The following MECOM variants were observed in gnomAD, a reference collection of about 807,000 sequenced individuals.
MECOM encodes the protein histone-lysine N-methyltransferase MECOM.
MECOM carries 13 observed loss-of-function variants against 116.3 expected under a neutral mutation model. The observed-to-expected ratio is 0.11, with a 90% CI of 0.07 to 0.18. The LOEUF (loss-of-function observed/expected upper bound fraction) is 0.18. MECOM is among the 10% of genes least tolerant of loss of function. MECOM has a pLI of 1.00. For missense variants in MECOM, 1,299 were observed against 1,509.0 expected (o/e 0.86, Z 2.31); for synonymous variants, 528 against 535.2 (o/e 0.99, Z 0.19).
chr3:169,118,017 C>T (rs969627211), intron 7 of MECOM, among the ~76,000 whole-genome samples: 1 of 151,884 alleles, frequency 6.6e-6, no homozygotes, highest in South Asian at 2.1e-4. Context: ...AAATTGAAGA[C>T]AAAATGCAAC....
Position 169,211,663 on chromosome 3 carries a change from T to C in MECOM, c.376-67831A>G, listed in dbSNP as rs1470642931. Among the ~76,000 whole-genome samples the C allele has an allele frequency of 1.1e-4, 17 of 152,316 alleles. No individual in the cohort carries two copies. In the South Asian group the frequency reaches 3.5e-3, roughly 32 times the overall value. On this transcript the variant is annotated intron_variant, in intron 2 of 16. Transcript: ENST00000651503. ...TTCTTTCTCTCAGGGTTGTAGTTTC[T>C]GAGGGTTTCATGTTAGGCTGTTTTC...
Position 169,381,438 on chromosome 3 carries a change from T to C in MECOM, c.124A>G (p.Asn42Asp), listed in dbSNP as rs765894702. 5.6e-6 allele frequency: 9 copies of C among 1,613,692 alleles called. No individual in the cohort carries two copies. The highest frequency in any genetic ancestry group is 8.5e-7 in the Non-Finnish European group (1 of 1,179,802). The change falls in exon 2 of 17, where the codon AAT becomes GAT. Residue 42 changes from asparagine to aspartate, a missense_variant. By Grantham distance (23) the Asn-to-Asp change is conservative. Transcript: ENST00000651503. ...GCAGGAGAGCATGGCTCTTGAATAT[T>C]GAGGGAGGGAGTGCTGGCTACTCCA... is the stretch of plus-strand genomic sequence containing the variant. ...ADGVASTPSL[N>D]IQEPCSPATS...
chr3:169,633,469 G>A (rs35712771), intron 1 of MECOM, among the ~76,000 whole-genome samples: 4 of 152,288 alleles, frequency 2.6e-5, no homozygotes, highest in African/African-American at 9.6e-5. Context: ...CTACTCACTA[G>A]TCTCACTAAA....
chr3:169,341,831 A>C (rs1006907062), intron 2 of MECOM, among the ~76,000 whole-genome samples: 3 of 152,142 alleles, frequency 2.0e-5, no homozygotes, highest in African/African-American at 7.2e-5. Context: ...TAGATTTTAA[A>C]ATAAAAGAGT....
At chr3:169,308,739 C>A (rs1223450599) in intron 2 of MECOM, among the ~76,000 whole-genome samples, 2 of 152,106 alleles carry the variant, frequency 1.3e-5, no homozygotes, top group Non-Finnish European at 2.9e-5. Context: ...TAAGGGTGAG[C>A]AAACTGTTTA....
intron 1 of MECOM, among the ~76,000 whole-genome samples, chr3:169,442,885 T>C (rs1186269134): frequency 2.0e-5 from 3 of 152,180 alleles, no homozygotes; most frequent in Non-Finnish European, 4.4e-5. Context: ...ATGGCCCTAA[T>C]ACATTGCTTT....
At chr3:169,322,690 A>T (rs1269970646) in intron 2 of MECOM, among the ~76,000 whole-genome samples, 1 of 152,140 alleles carries the variant, frequency 6.6e-6, no homozygotes, top group Non-Finnish European at 1.5e-5. Context: ...AATGATACCA[A>T]TTCATCCACT....
At chr3:169,543,401 C>A (rs555013634) in intron 1 of MECOM, among the ~76,000 whole-genome samples, 1 of 152,226 alleles carries the variant, frequency 6.6e-6, no homozygotes, top group South Asian at 2.1e-4. Flanking sequence ...ATAGGAAGAT[C>A]CTGTCTCTAC....
intron 1 of MECOM, among the ~76,000 whole-genome samples, chr3:169,529,761 C>A (rs1031150277): frequency 1.3e-5 from 2 of 152,198 alleles, no homozygotes; most frequent in Non-Finnish European, 2.9e-5. Context: ...ATGCCCAAAG[C>A]AAGTAAATAG....
rs767306816 is a variant in MECOM, at chr3:169,095,076, C to T, written c.3019G>A (p.Gly1007Ser). Residue 1007 changes from glycine to serine, a missense_variant and splice_region_variant, in exon 13 of 17, where the codon GGT (glycine) becomes AGT (serine). Around this residue, in one of 6 missense-constraint regions of MECOM, gnomAD observed 273 missense variants for 289.3 expected, o/e 0.94. Transcript: ENST00000651503. ...LKKHENGNMS[G>S]TATSSPHSEL... ...ACTTATAACACAATTTATTACGTAC[C>T]GGACATGTTCCCATTCTCATGTTTC... The T allele has an allele frequency of 1.4e-5, 23 of 1,592,378 alleles. No homozygotes were observed. Among genetic ancestry groups the T allele is most frequent in the Non-Finnish European group, 1.8e-5 (21 of 1,170,192 alleles).
chr3:169,583,944 C>T lies in MECOM; in HGVS notation c.37+79392G>A, dbSNP rs978779994. 2.0e-5 allele frequency among the ~76,000 whole-genome samples: 3 copies of T among 152,040 alleles called. No individual in the cohort carries two copies. The East Asian group carries it at 5.8e-4, about 29-fold the overall frequency. ...AATCAATTATTTGAGAAATATTTACCGTAGCTTAATTCTCAAAAATTGATC... is the reference window on the plus strand; with the variant it reads ...AATCAATTATTTGAGAAATATTTACTGTAGCTTAATTCTCAAAAATTGATC... On this transcript the variant is annotated intron_variant, in intron 1 of 16. Coordinates refer to ENST00000651503, the MANE Select transcript of MECOM (RefSeq NM_004991.4).
At chr3:169,178,281 C>T (rs957176677) in intron 2 of MECOM, among the ~76,000 whole-genome samples, 3 of 152,248 alleles carry the variant, frequency 2.0e-5, no homozygotes, top group East Asian at 3.9e-4. Flanking sequence ...GATGGAGGGC[C>T]GCATGAGTGA....
intron 2 of MECOM, among the ~76,000 whole-genome samples, chr3:169,225,648 C>T (rs922151114): frequency 6.6e-6 from 1 of 152,188 alleles, no homozygotes; most frequent in Admixed American, 6.5e-5. Context: ...CTTGCTCTGT[C>T]GTCCAGGCTG....
At chr3:169,105,453 C>A in intron 10 of MECOM, among the ~76,000 whole-genome samples, 1 of 152,012 alleles carries the variant, frequency 6.6e-6, no homozygotes, top group Non-Finnish European at 1.5e-5. Context: ...TAAGTTTTGA[C>A]ATTCATTTTA....
chr3:169,654,353 A>G (rs905319469), intron 1 of MECOM, among the ~76,000 whole-genome samples: 2 of 152,178 alleles, frequency 1.3e-5, no homozygotes, highest in Non-Finnish European at 2.9e-5. Flanking sequence ...ACCTTCCTAC[A>G]TGGAAAGCCA....
chr3:169,597,236 G>A (rs576767363), intron 1 of MECOM, among the ~76,000 whole-genome samples: 3 of 152,326 alleles, frequency 2.0e-5, no homozygotes, highest in African/African-American at 7.2e-5. Flanking sequence ...GGAGCCGGGT[G>A]GAGAGTCTAA....
At chr3:169,267,450 G>A (rs965495150) in intron 2 of MECOM, among the ~76,000 whole-genome samples, 1 of 152,126 alleles carries the variant, frequency 6.6e-6, no homozygotes, top group African/African-American at 2.4e-5. Context: ...TAAGGAAACA[G>A]GAATGAGACC....
intron 2 of MECOM, among the ~76,000 whole-genome samples, chr3:169,235,636 C>G (rs1428126032): frequency 6.6e-6 from 1 of 152,042 alleles, no homozygotes; most frequent in African/African-American, 2.4e-5. Context: ...GTGATAGACT[C>G]TATGGATAAA....
At chr3:169,239,306 G>A (rs1175751870) in intron 2 of MECOM, among the ~76,000 whole-genome samples, 3 of 151,812 alleles carry the variant, frequency 2.0e-5, no homozygotes, top group Non-Finnish European at 4.4e-5. Flanking sequence ...TACCAATAAG[G>A]AGAACTTTAA....
Sources: allele counts gnomAD v4.1 joint callset (sites outside exome capture counted in the v4.1 genomes callset), GRCh38; gene constraint gnomAD v4.1.1; regional missense constraint gnomAD v4.1.1; transcripts MANE v1.5; gene names NCBI Gene and HGNC (gene_info 2026-07-23, HGNC 2026-07-21).